STPG2: variants seen among roughly 807,000 people sequenced by gnomAD.
The protein encoded by STPG2 is sperm-tail PG-rich repeat-containing protein 2.
Under a neutral mutation model 54.2 loss-of-function variants are expected in STPG2, and 56 were observed. The ratio of observed to expected loss-of-function variants is 1.03; its 90% CI spans 0.83 to 1.29. The LOEUF is 1.29. STPG2 is among the 50% of genes most tolerant of loss of function. STPG2 has a pLI of 0.00. For missense variants in STPG2, 596 were observed against 544.9 expected (o/e 1.09, Z -0.93); for synonymous variants, 200 against 181.8 (o/e 1.10, Z -0.81).
At chr4:97,689,758 C>T (rs1260658649) in intron 10 of STPG2, among the ~76,000 whole-genome samples, 11 of 152,098 alleles carry the variant, frequency 7.2e-5, no homozygotes, top group Non-Finnish European at 1.6e-4. Flanking sequence ...CTATTTAAGA[C>T]ACAAGTCTCT....
chr4:97,977,607 G>C (rs1448423816), intron 6 of STPG2, among the ~76,000 whole-genome samples: 1 of 152,146 alleles, frequency 6.6e-6, no homozygotes, highest in African/African-American at 2.4e-5. Flanking sequence ...TGTTTCAAGA[G>C]GCCCAGATCA....
At chr4:97,506,656 A>G (rs1730851436) in intron 4 of STPG2, among the ~76,000 whole-genome samples, 1 of 152,030 alleles carries the variant, frequency 6.6e-6, no homozygotes, top group South Asian at 2.1e-4. Flanking sequence ...CATAAAAGGA[A>G]CCATAGTATT....
In STPG2 at chr4:97,840,854, G is replaced by C. The variant is rs202085497; in HGVS notation, c.1123C>G (p.Arg375Gly). Reference sequence around the variant, plus strand: ...TGTTTTCTTTTAGCCACTAAACTACGAGGTGGCATATATTTATGCTTAACT... The same window carrying C: ...TGTTTTCTTTTAGCCACTAAACTACCAGGTGGCATATATTTATGCTTAACT... ...SQVKHKYMPPRSLVAKRKHAS... is the reference protein window; with the variant it reads ...SQVKHKYMPPGSLVAKRKHAS... The change falls in exon 9 of 11, where the codon CGT becomes GGT. Residue 375 changes from arginine to glycine, a missense_variant. Transcript: ENST00000295268. The C allele has an allele frequency of 6.2e-7, 1 of 1,611,986 alleles. No individual in the cohort carries two copies. The highest frequency in any genetic ancestry group is 8.5e-7 in the Non-Finnish European group (1 of 1,178,588).
At chr4:97,909,633 G>T (rs1324770874) in intron 8 of STPG2, among the ~76,000 whole-genome samples, 1 of 151,950 alleles carries the variant, frequency 6.6e-6, no homozygotes, top group Non-Finnish European at 1.5e-5. Flanking sequence ...TTCAACACAT[G>T]CAAAAATAAA....
At chr4:97,893,917 G>A (rs779831259) in intron 8 of STPG2, among the ~76,000 whole-genome samples, 18 of 151,922 alleles carry the variant, frequency 1.2e-4, no homozygotes, top group Admixed American at 1.3e-4. Context: ...CAAAGATAAT[G>A]GACCCTAGTA....
At chr4:98,084,480 G>C (rs922073942) in intron 5 of STPG2, among the ~76,000 whole-genome samples, 7 of 152,170 alleles carry the variant, frequency 4.6e-5, no homozygotes. Flanking sequence ...ACGAATAGGA[G>C]TGAAATTGTG....
intron 5 of STPG2, among the ~76,000 whole-genome samples, chr4:97,983,691 A>C (rs1734746253): frequency 6.6e-6 from 1 of 152,106 alleles, no homozygotes; most frequent in Non-Finnish European, 1.5e-5. Context: ...TTTTTCTTTC[A>C]GTAGGAATAG....
At chr4:97,507,230 G>A (rs867594878) in intron 4 of STPG2, among the ~76,000 whole-genome samples, 15 of 151,978 alleles carry the variant, frequency 9.9e-5, no homozygotes, top group Middle Eastern at 3.4e-3. Flanking sequence ...GTTAAACCAC[G>A]AGGACACAAA....
chr4:97,714,015 T>C (rs1320124829), intron 9 of STPG2, among the ~76,000 whole-genome samples: 3 of 151,934 alleles, frequency 2.0e-5, no homozygotes, highest in African/African-American at 7.3e-5. Context: ...TGGTAGTGAA[T>C]GAAATTAGAT....
chr4:98,134,580 T>TAAC, intron 1 of STPG2, 121 bp from the exon 2 acceptor site: 2 of 310,762 alleles, frequency 6.4e-6, no homozygotes, highest in Non-Finnish European at 1.1e-5. Context: ...TTTTCAGAAC[T>TAAC]GTCTAGTCAG....
chr4:97,999,245 T>C (rs2149274467), intron 5 of STPG2, among the ~76,000 whole-genome samples: 1 of 152,332 alleles, frequency 6.6e-6, no homozygotes, highest in East Asian at 1.9e-4. Flanking sequence ...ACAAAGAAAT[T>C]ATTTCAAAAA....
intron 9 of STPG2, among the ~76,000 whole-genome samples, chr4:97,732,629 C>A (rs983177698): frequency 1.3e-5 from 2 of 152,006 alleles, no homozygotes; most frequent in South Asian, 2.1e-4. Context: ...AGTAAACAGA[C>A]AACCCACAAG....
intron 8 of STPG2, among the ~76,000 whole-genome samples, chr4:97,901,365 G>A (rs951367448): frequency 8.6e-5 from 13 of 151,678 alleles, no homozygotes; most frequent in Non-Finnish European, 1.8e-4. Flanking sequence ...ATAATAAAAG[G>A]CATCCAACTC....
At chr4:97,570,455 T>G (rs1732569808) in intron 10 of STPG2, among the ~76,000 whole-genome samples, 1 of 152,114 alleles carries the variant, frequency 6.6e-6, no homozygotes. Context: ...GAAATCTCCT[T>G]GCCCGTCCTC....
chr4:97,632,967 G>A (rs572282040), intron 10 of STPG2, among the ~76,000 whole-genome samples: 1 of 152,274 alleles, frequency 6.6e-6, no homozygotes, highest in East Asian at 1.9e-4. Flanking sequence ...TGGAAAGATG[G>A]TAGATAGATG....
At chr4:97,467,592 C>G (rs1471069002) in intron 4 of STPG2, among the ~76,000 whole-genome samples, 2 of 151,664 alleles carry the variant, frequency 1.3e-5, no homozygotes, top group Non-Finnish European at 3.0e-5. Flanking sequence ...TTCATAAAGC[C>G]TATTAAAAAG....
chr4:97,824,783 C>T (rs1300378248), intron 9 of STPG2, among the ~76,000 whole-genome samples: 1 of 152,150 alleles, frequency 6.6e-6, no homozygotes. Context: ...CTGCCCAATG[C>T]TGTAGCTCAG....
intron 10 of STPG2, among the ~76,000 whole-genome samples, chr4:97,668,485 G>T (rs897169028): frequency 3.3e-5 from 5 of 152,148 alleles, no homozygotes; most frequent in South Asian, 2.1e-4. Flanking sequence ...GTAACAGAAT[G>T]AGAAGCCTGT....
At chr4:97,785,646 C>T (rs963406925) in intron 9 of STPG2, among the ~76,000 whole-genome samples, 1 of 151,916 alleles carries the variant, frequency 6.6e-6, no homozygotes, top group African/African-American at 2.4e-5. Flanking sequence ...AAAAGTAAAA[C>T]ATGTATCAGG....
Sources: gnomAD v4.1 joint callset for allele counts (sites outside exome capture counted in the v4.1 genomes callset) on GRCh38, gnomAD v4.1.1 for gene constraint, MANE v1.5 for transcripts, NCBI Gene and HGNC (gene_info 2026-07-23, HGNC 2026-07-21) for gene names.